The following TP53BP1 variants were observed in gnomAD, a reference collection of about 807,000 sequenced individuals.
TP53BP1 encodes TP53-binding protein 1.
In TP53BP1, 61 loss-of-function variants were observed where a neutral mutation model predicts 200.8. The observed-to-expected ratio is 0.30, with a 90% CI of 0.25 to 0.38. TP53BP1 has a LOEUF of 0.38. TP53BP1 is among the 10% of genes least tolerant of loss of function. TP53BP1 has a pLI of 1.00. For missense variants in TP53BP1, 2,144 were observed against 2,371.9 expected, an observed-to-expected ratio of 0.90 and a Z score of 2.00; for synonymous variants, 822 against 844.3, an observed-to-expected ratio of 0.97 and a Z score of 0.46.
intron 1 of TP53BP1, among the ~76,000 whole-genome samples, chr15:43,498,775 T>C (rs2079194110): frequency 6.6e-6 from 1 of 152,166 alleles, no homozygotes; most frequent in Non-Finnish European, 1.5e-5. Flanking sequence ...TTCCTGATCT[T>C]GATAATTATA....
At chr15:43,412,998 A>G in intron 24 of TP53BP1, 121 bp downstream of exon 24, 1 of 862,294 alleles carries the variant, frequency 1.2e-6, no homozygotes, top group South Asian at 1.7e-5. Context: ...TGTGACCAAG[A>G]TCCCAGTTGC....
At chr15:43,447,850 T>C (rs569421346) in intron 12 of TP53BP1, among the ~76,000 whole-genome samples, 1 of 152,192 alleles carries the variant, frequency 6.6e-6, no homozygotes, top group African/African-American at 2.4e-5. Flanking sequence ...ATTTGGACAG[T>C]TTCAAATCAG....
Position 43,406,283 on chromosome 15 carries a change from T to G in TP53BP1, c.*1100A>C, listed in dbSNP as rs2044876126. 4.8e-6 allele frequency: 1 copy of G among 209,394 alleles called. No homozygotes were observed. The highest frequency in any genetic ancestry group is 5.4e-5 in the Admixed American group (1 of 18,448). The allele number at this position is 209,394 out of a possible 1,614,324, so 13.0% of individuals were successfully genotyped here. ...CAACGCCCTCCAAACTGAAAAAGAA[T>G]GCAGTGTTCTGGCATCAGGTTATAG... On this transcript the variant is annotated 3_prime_UTR_variant, in exon 28 of 28. Coordinates refer to ENST00000382044, the MANE Select transcript of TP53BP1 (RefSeq NM_001141980.3).
At chr15:43,452,442 C>T (rs765447141) in intron 12 of TP53BP1, among the ~76,000 whole-genome samples, 1 of 151,630 alleles carries the variant, frequency 6.6e-6, no homozygotes, top group African/African-American at 2.4e-5. Context: ...CCTGTAGTCC[C>T]GGCTTCTCGG....
rs754123479 is a variant in TP53BP1, at chr15:43,422,062, C to G, written c.3893G>C (p.Gly1298Ala). 1.9e-6 allele frequency: 3 copies of G among 1,614,122 alleles called. No homozygotes were observed. The highest frequency in any genetic ancestry group is 2.5e-6 in the Non-Finnish European group (3 of 1,180,024). Residue 1298 changes from glycine to alanine, a missense_variant, in exon 19 of 28, where the codon GGG becomes GCG. Transcript: ENST00000382044. ...CETEVSPSQT[G>A]GSSGDLGDIS... is the part of the protein sequence containing the mutation. ...ATCCCCCAGGTCACCTGAGGAGCCC[C>G]CAGTCTGTGAAGGGGAAACTTCAGT...
rs374045637 is a variant in TP53BP1, at chr15:43,469,655, T to TA, written c.1389+202dup. On this transcript the variant is annotated intron_variant, in intron 11 of 27. Transcript: ENST00000382044. ...AAAGACATTGTAAAAAGTTTAAACA[T>TA]AAAAAAAAATCAAGATGTTAGGTGA... is the stretch of plus-strand genomic sequence containing the variant. Among the ~76,000 whole-genome samples, 598 of 151,700 alleles carry TA rather than the reference T, an allele frequency of 3.9e-3. 3 individuals carry two copies. Among genetic ancestry groups the TA allele is most frequent in the African/African-American group, 0.014 (568 of 41,438 alleles).
At position 43,408,997 on chromosome 15, in the gene TP53BP1, C is replaced by T. The variant is rs1595516483; in HGVS notation, c.5500G>A (p.Val1834Ile). 1 of 1,614,198 alleles carries T rather than the reference C, an allele frequency of 6.2e-7. No individual in the cohort carries two copies. Among genetic ancestry groups the T allele is most frequent in the Non-Finnish European group, 8.5e-7 (1 of 1,180,028 alleles). The change falls in exon 26 of 28, where the codon GTC (valine) becomes ATC (isoleucine). Residue 1834 changes from valine to isoleucine, a missense_variant. Physicochemically the swap from Val to Ile is conservative, Grantham distance 29. Coordinates refer to ENST00000382044, the MANE Select transcript of TP53BP1 (RefSeq NM_001141980.3). ...GCATGGCAACTATCATGGACCCAGACATGAGACACACAAGGAATCCCACTG... is the reference window on the plus strand; with the variant it reads ...GCATGGCAACTATCATGGACCCAGATATGAGACACACAAGGAATCCCACTG... ...LASGIPCVSH[V>I]WVHDSCHANQ...
At position 43,456,804 on chromosome 15, in the gene TP53BP1, T is replaced by C. The variant is rs779102808; in HGVS notation, c.1804A>G (p.Ile602Val). The C allele has an allele frequency of 3.7e-6, 6 of 1,613,890 alleles. No homozygotes were observed. The highest frequency in any genetic ancestry group is 1.1e-5 in the South Asian group (1 of 91,094). Residue 602 changes from isoleucine (I) to valine (V), a missense_variant, in exon 12 of 28, where the codon ATT becomes GTT. Transcript: ENST00000382044. The part of the protein sequence containing the change: ...KGDDTDTRDD[I>V]SILATGCKGR... ...TTGCAACCAGTGGCTAAAATACTAATGTCATCCCTGGTGTCTGTATCATCT... is the reference window on the plus strand; with the variant it reads ...TTGCAACCAGTGGCTAAAATACTAACGTCATCCCTGGTGTCTGTATCATCT...
intron 14 of TP53BP1, among the ~76,000 whole-genome samples, chr15:43,444,349 C>T (rs2045994980): frequency 6.6e-6 from 1 of 152,148 alleles, no homozygotes; most frequent in Non-Finnish European, 1.5e-5. Context: ...TTAAGCACAC[C>T]TCCCACCTCA....
At chr15:43,461,673 A>AT (rs113520136) in intron 11 of TP53BP1, among the ~76,000 whole-genome samples, 4,823 of 145,444 alleles carry the variant, frequency 0.033, 109 homozygotes, top group East Asian at 0.1. Flanking sequence ...TATACATTAT[A>AT]TTTTTTTTTT....
chr15:43,407,776 C>A, intron 27 of TP53BP1, 167 bp downstream of exon 27: 1 of 788,882 alleles, frequency 1.3e-6, no homozygotes, highest in South Asian at 1.8e-5. Context: ...AATATACGTC[C>A]AGTGCTTCAC....
chr15:43,462,924 G>C (rs558967680), intron 11 of TP53BP1, among the ~76,000 whole-genome samples: 21 of 152,134 alleles, frequency 1.4e-4, no homozygotes, highest in Non-Finnish European at 2.8e-4. Flanking sequence ...GGGCATGGTG[G>C]TGTGCACTTT....
intron 11 of TP53BP1, among the ~76,000 whole-genome samples, chr15:43,467,338 A>T (rs1172890225): frequency 6.6e-6 from 1 of 152,008 alleles, no homozygotes; most frequent in Non-Finnish European, 1.5e-5. Flanking sequence ...TGCTGCAATT[A>T]TAGGTGTGGG....
At chr15:43,505,589 G>A (rs1472050511) in intron 1 of TP53BP1, among the ~76,000 whole-genome samples, 71 of 152,262 alleles carry the variant, frequency 4.7e-4, no homozygotes, top group Non-Finnish European at 5.9e-5. Context: ...GCAATGCTCT[G>A]CAGGGGGAAG....
chr15:43,495,653 T>C (rs2079178670), upstream of TP53BP1, among the ~76,000 whole-genome samples: 1 of 151,306 alleles, frequency 6.6e-6, no homozygotes, highest in African/African-American at 2.4e-5. Context: ...CGGTCTCTAC[T>C]AAAAATACAA....
Position 43,446,528 on chromosome 15 carries a change from C to T in TP53BP1, c.2899G>A (p.Glu967Lys). Reference sequence around the variant, plus strand: ...CTCCCAAGTATGGGATCATGGGTCTCCACCATGCTTTCAGACATGACATCA... The same window carrying T: ...CTCCCAAGTATGGGATCATGGGTCTTCACCATGCTTTCAGACATGACATCA... ...TSDVMSESMV[E>K]THDPILGSGK... Residue 967 changes from glutamate to lysine, a missense_variant, in exon 14 of 28, where the codon GAG (glutamate) becomes AAG (lysine). By Grantham distance (56) the Glu-to-Lys change is moderately conservative (BLOSUM62 1). Coordinates refer to ENST00000382044, the MANE Select transcript of TP53BP1 (RefSeq NM_001141980.3). 1 of 1,614,128 alleles carries T rather than the reference C, an allele frequency of 6.2e-7. No individual in the cohort carries two copies. Among genetic ancestry groups the T allele is most frequent in the Non-Finnish European group, 8.5e-7 (1 of 1,180,006 alleles).
intron 24 of TP53BP1, 161 bp from the exon 25 acceptor site, chr15:43,409,902 T>C (rs1189417241): frequency 1.5e-5 from 6 of 402,358 alleles, no homozygotes; most frequent in African/African-American, 2.1e-5. Flanking sequence ...GAAAGAGATC[T>C]TGAGGCCTTT....
At chr15:43,420,077 C>A (rs896494963) in intron 21 of TP53BP1, among the ~76,000 whole-genome samples, 1 of 152,102 alleles carries the variant, frequency 6.6e-6, no homozygotes. Context: ...CTTTGTACTT[C>A]GCAAATTTTC....
intron 4 of TP53BP1, among the ~76,000 whole-genome samples, chr15:43,483,000 C>T (rs1208789438): frequency 6.6e-6 from 1 of 152,120 alleles, no homozygotes; most frequent in African/African-American, 2.4e-5. Flanking sequence ...TGCTATCAAC[C>T]AACCAATCAA....
Sources: gnomAD v4.1 joint callset for allele counts (sites outside exome capture counted in the v4.1 genomes callset) on GRCh38, gnomAD v4.1.1 for gene constraint, MANE v1.5 for transcripts, NCBI Gene and HGNC (gene_info 2026-07-23, HGNC 2026-07-21) for gene names.